The following GHR variants were observed in gnomAD, a reference collection of about 807,000 sequenced individuals.
GHR encodes the protein GH receptor.
GHR carries 35 observed loss-of-function variants against 67.1 expected under a neutral mutation model. The ratio of observed to expected loss-of-function variants is 0.52; its 90% confidence interval spans 0.40 to 0.69. The LOEUF (loss-of-function observed/expected upper bound fraction) is 0.69, where lower values mean the gene tolerates loss of function less well. GHR is among the 30% of genes least tolerant of loss of function. The pLI is 0.00. For missense variants in GHR, 792 were observed against 764.6 expected (o/e 1.04, Z -0.42); for synonymous variants, 272 against 269.1 (o/e 1.01, Z -0.10).
intron 8 of GHR, among the ~76,000 whole-genome samples, chr5:42,714,392 C>T (rs947415570): frequency 6.6e-6 from 1 of 152,120 alleles, no homozygotes; most frequent in Admixed American, 6.5e-5. Flanking sequence ...ATTGAAAATA[C>T]GTTCTCCAGC....
intron 3 of GHR, chr5:42,659,111 A>G (rs1276239645): frequency 1.3e-5 from 2 of 152,208 alleles, no homozygotes; most frequent in African/African-American, 2.4e-5. Flanking sequence ...GTGGTTGTTT[A>G]TTGAAGACTA....
Position 42,699,899 on chromosome 5 carries a change from A to C in GHR, c.515A>C (p.Gln172Pro), listed in dbSNP as rs121909368. ...VSLTGIHADI[Q>P]VRWEAPRNAD... Reference sequence around the variant, plus strand: ...TTAACTGGGATTCATGCAGATATCCAAGTGAGATGGGAAGCACCACGCAAT... The same window carrying C: ...TTAACTGGGATTCATGCAGATATCCCAGTGAGATGGGAAGCACCACGCAAT... Residue 172 changes from glutamine to proline, a missense_variant, in exon 6 of 10, where the codon CAA (glutamine) becomes CCA (proline). Gln to Pro is a moderately conservative substitution (Grantham distance 76). Coordinates refer to ENST00000230882, the MANE Select transcript of GHR (RefSeq NM_000163.5). The C allele has an allele frequency of 1.2e-6, 2 of 1,601,280 alleles. No individual in the cohort carries two copies. Among genetic ancestry groups the C allele is most frequent in the Non-Finnish European group, 1.7e-6 (2 of 1,168,294 alleles).
intron 1 of GHR, among the ~76,000 whole-genome samples, chr5:42,438,970 A>T (rs1203803968): frequency 6.6e-6 from 1 of 152,218 alleles, no homozygotes; most frequent in East Asian, 1.9e-4. Context: ...ATGCAGCCTA[A>T]CACTGTCCTG....
At chr5:42,628,952 T>C in intron 2 of GHR, 86 bp from the exon 3 acceptor site, 1 of 820,688 alleles carries the variant, frequency 1.2e-6, no homozygotes, top group Non-Finnish European at 2.0e-6. Context: ...TTTGGGAAGC[T>C]GAGGATTTTG....
chr5:42,719,926 G>T lies in GHR; in HGVS notation c.*502G>T. On this transcript the variant is annotated 3_prime_UTR_variant, in exon 10 of 10. Transcript: ENST00000230882. ...TAAGCAAGAAGGCAAAAATAGTTTG[G>T]ATATGTAAAACATTTATTTTGACAT... 5.4e-6 allele frequency: 1 copy of T among 185,984 alleles called. No individual in the cohort carries two copies. Among genetic ancestry groups the T allele is most frequent in the Non-Finnish European group, 1.1e-5 (1 of 90,260 alleles). 11.5% of individuals were successfully genotyped at this position (185,984 alleles called of 1,614,324 possible). A position where few individuals can be genotyped will look rare whatever the true frequency, so the allele number is the denominator to read the frequency against.
intron 1 of GHR, among the ~76,000 whole-genome samples, chr5:42,522,930 A>G (rs1747539969): frequency 6.6e-6 from 1 of 152,226 alleles, no homozygotes; most frequent in Non-Finnish European, 1.5e-5. Flanking sequence ...AATAGAGGAG[A>G]CAAAAATGAT....
At chr5:42,588,576 T>C (rs1751616043) in intron 2 of GHR, among the ~76,000 whole-genome samples, 1 of 149,326 alleles carries the variant, frequency 6.7e-6, no homozygotes, top group Admixed American at 6.7e-5. Flanking sequence ...TGCAGTAGAA[T>C]TTTGAATTCA....
At chr5:42,500,049 T>C (rs1746475642) in intron 1 of GHR, among the ~76,000 whole-genome samples, 1 of 152,216 alleles carries the variant, frequency 6.6e-6, no homozygotes, top group Admixed American at 6.5e-5. Flanking sequence ...TAACTCAGTT[T>C]GTTAGTGTTG....
chr5:42,467,739 G>T (rs143377655), intron 1 of GHR: 28 of 1,555,630 alleles, frequency 1.8e-5, no homozygotes, highest in Middle Eastern at 3.4e-4. Context: ...CCCCGGTGTG[G>T]ATTCTCTGAT....
intron 6 of GHR, among the ~76,000 whole-genome samples, chr5:42,708,096 A>C (rs1758269344): frequency 6.6e-6 from 1 of 152,110 alleles, no homozygotes; most frequent in Non-Finnish European, 1.5e-5. Flanking sequence ...GGAATGGTTA[A>C]TTTAAATATA....
At chr5:42,450,582 T>G (rs556511105) in intron 1 of GHR, among the ~76,000 whole-genome samples, 1 of 152,272 alleles carries the variant, frequency 6.6e-6, no homozygotes, top group East Asian at 1.9e-4. Flanking sequence ...AGCTTTTTGT[T>G]TCACTTGTCT....
rs1383476169 is a variant in GHR, at chr5:42,423,683, T to C, written c.-284T>C. ...CCTGCCCTCCCATCCTCCCTTCCCG[T>C]TTCACCCCGCCCCCTCTCTCCTCCC... On this transcript the variant is annotated 5_prime_UTR_variant, in exon 1 of 10. Coordinates refer to ENST00000230882, the MANE Select transcript of GHR (RefSeq NM_000163.5). 1 of 152,690 alleles carries C rather than the reference T, an allele frequency of 6.5e-6. No individual in the cohort carries two copies. Among genetic ancestry groups the C allele is most frequent in the Non-Finnish European group, 1.5e-5 (1 of 68,104 alleles). 9.5% of individuals were successfully genotyped at this position (152,690 alleles called of 1,614,324 possible).
chr5:42,554,635 T>A (rs1470293871), intron 1 of GHR, among the ~76,000 whole-genome samples: 1 of 152,090 alleles, frequency 6.6e-6, no homozygotes, highest in Non-Finnish European at 1.5e-5. Context: ...AGCTTCATGG[T>A]ACAATGCAGT....
intron 1 of GHR, among the ~76,000 whole-genome samples, chr5:42,503,885 A>G (rs1232681759): frequency 6.6e-6 from 1 of 152,214 alleles, no homozygotes; most frequent in Non-Finnish European, 1.5e-5. Flanking sequence ...AAGTTGCAAC[A>G]GGAAACTGAT....
intron 6 of GHR, among the ~76,000 whole-genome samples, chr5:42,708,193 T>C (rs1480936163): frequency 6.6e-6 from 1 of 152,214 alleles, no homozygotes; most frequent in East Asian, 1.9e-4. Context: ...TTTAGTCTAT[T>C]GTTAAACAGA....
intron 5 of GHR, among the ~76,000 whole-genome samples, chr5:42,695,408 A>G (rs1183258661): frequency 2.0e-5 from 3 of 152,304 alleles, no homozygotes; most frequent in Admixed American, 6.5e-5. Context: ...TGAACTTAAT[A>G]TATTCTTAGG....
At chr5:42,518,214 T>C (rs373457271) in intron 1 of GHR, among the ~76,000 whole-genome samples, 1 of 149,176 alleles carries the variant, frequency 6.7e-6, no homozygotes, top group Non-Finnish European at 1.5e-5. Flanking sequence ...TGTGTGTGTG[T>C]GGGCAGCTAC....
chr5:42,689,967 C>T (rs1394532252), intron 4 of GHR, among the ~76,000 whole-genome samples: 1 of 152,142 alleles, frequency 6.6e-6, no homozygotes, highest in Admixed American at 6.5e-5. Context: ...AATATAGGTA[C>T]CATCCAAGTT....
intron 1 of GHR, among the ~76,000 whole-genome samples, chr5:42,530,892 G>A (rs553976356): frequency 1.5e-4 from 23 of 152,250 alleles, no homozygotes; most frequent in Admixed American, 3.3e-4. Context: ...ATGACATGCC[G>A]AAGAAATATA....
Sources: allele counts gnomAD v4.1 joint callset (sites outside exome capture counted in the v4.1 genomes callset), GRCh38; gene constraint gnomAD v4.1.1; transcripts MANE v1.5; gene names NCBI Gene and HGNC (gene_info 2026-07-23, HGNC 2026-07-21).